Variants in EHBP1 observed in about 807,000 individuals in gnomAD.
EHBP1 encodes the protein EH domain binding protein 1.
Under a neutral mutation model 144.0 loss-of-function variants are expected in EHBP1, and 55 were observed. That is an observed-to-expected ratio of 0.38 (90% CI 0.31 to 0.48). The LOEUF is 0.48. Ranked by LOEUF, EHBP1 falls within the 20% of genes least tolerant of loss-of-function variation. The pLI, the probability that EHBP1 is intolerant of heterozygous loss-of-function variation, is 0.98. For synonymous variants in EHBP1, 469 were observed against 472.7 expected, an observed-to-expected ratio of 0.99 and a Z score of 0.10; for missense variants, 1,200 against 1,364.2, an observed-to-expected ratio of 0.88 and a Z score of 1.90.
At chr2:62,902,739 A>T (rs2053514655) in intron 10 of EHBP1, among the ~76,000 whole-genome samples, 1 of 152,256 alleles carries the variant, frequency 6.6e-6, no homozygotes. Flanking sequence ...AATTATATGT[A>T]TGATGAGACC....
chr2:62,765,568 C>T (rs2041113321), intron 4 of EHBP1, among the ~76,000 whole-genome samples: 2 of 152,120 alleles, frequency 1.3e-5, no homozygotes, highest in South Asian at 4.1e-4. Context: ...ATAGCTTAAA[C>T]ACTAGTTGTG....
chr2:62,842,555 A>G (rs1475042161), intron 7 of EHBP1, among the ~76,000 whole-genome samples: 1 of 152,116 alleles, frequency 6.6e-6, no homozygotes, highest in African/African-American at 2.4e-5. Context: ...CTATCCTTCA[A>G]AATTTAATTC....
At chr2:62,942,514 T>C (rs534725934) in intron 10 of EHBP1, among the ~76,000 whole-genome samples, 1 of 152,346 alleles carries the variant, frequency 6.6e-6, no homozygotes, top group South Asian at 2.1e-4. Flanking sequence ...TCTGCATCCT[T>C]GTCAGGCAAA....
Position 62,955,628 on chromosome 2 carries a change from G to A in EHBP1, c.2428G>A (p.Ala810Thr), listed in dbSNP as rs1188142966. 1.2e-6 allele frequency: 2 copies of A among 1,611,808 alleles called. No homozygotes were observed. The highest frequency in any genetic ancestry group is 1.1e-5 in the South Asian group (1 of 90,628). Residue 810 changes from alanine (A) to threonine (T), a missense_variant, in exon 14 of 23, where the codon GCC (alanine) becomes ACC (threonine). Physicochemically the swap from Ala to Thr is moderately conservative, Grantham distance 58 (BLOSUM62 0). Coordinates refer to ENST00000431489, the MANE Select transcript of EHBP1 (RefSeq NM_001142616.3). ...KAGNKHNTNT[A>T]TPFCNRQLSD... ...GGGGAATAAGCACAATACCAACACA[G>A]CCACCCCATTCTGCAACAGGCAGCT...
chr2:62,930,320 A>G (rs1444028557), intron 10 of EHBP1, among the ~76,000 whole-genome samples: 14 of 152,214 alleles, frequency 9.2e-5, no homozygotes, highest in Admixed American at 5.9e-4. Flanking sequence ...TAACTTGATC[A>G]GGAAGGTAAA....
At chr2:62,816,649 G>A (rs1321481040) in intron 5 of EHBP1, among the ~76,000 whole-genome samples, 1 of 152,170 alleles carries the variant, frequency 6.6e-6, no homozygotes, top group Admixed American at 6.5e-5. Context: ...AGAAGACTGT[G>A]GCTTCAGTTA....
chr2:62,731,532 T>C (rs1287743721), intron 2 of EHBP1, among the ~76,000 whole-genome samples: 2 of 152,184 alleles, frequency 1.3e-5, no homozygotes, highest in Non-Finnish European at 2.9e-5. Flanking sequence ...ACGTTATCCT[T>C]AGGTTTTTTG....
intron 5 of EHBP1, among the ~76,000 whole-genome samples, chr2:62,783,336 G>A (rs12104750): frequency 5.2e-4 from 79 of 152,308 alleles, no homozygotes; most frequent in African/African-American, 1.9e-3. Context: ...AAAGATGGTG[G>A]ACCTCTTCTC....
Position 63,037,558 on chromosome 2 carries a change from G to T in EHBP1, c.3127G>T (p.Ala1043Ser). The T allele has an allele frequency of 1.2e-6, 2 of 1,607,132 alleles. No homozygotes were observed. The highest frequency in any genetic ancestry group is 1.7e-6 in the Non-Finnish European group (2 of 1,176,456). The change falls in exon 20 of 23, where the codon GCT becomes TCT. Residue 1043 changes from alanine (A) to serine (S), a missense_variant. This residue lies in a region of EHBP1 where 149 missense variants were observed against 217.0 expected (regional missense o/e 0.69). Transcript: ENST00000431489. Reference protein sequence around the residue: ...DTGRNTEEEEAMMQEWFMLVN... With the variant: ...DTGRNTEEEESMMQEWFMLVN... ...AGGAAGGAACACAGAAGAAGAAGAAGCTATGATGCAGGAATGGTTTATGTT... is the reference window on the plus strand; with the variant it reads ...AGGAAGGAACACAGAAGAAGAAGAATCTATGATGCAGGAATGGTTTATGTT...
intron 19 of EHBP1, among the ~76,000 whole-genome samples, chr2:63,011,800 G>A (rs921025151): frequency 1.3e-5 from 2 of 151,918 alleles, no homozygotes; most frequent in Non-Finnish European, 2.9e-5. Flanking sequence ...AATTTTGGCA[G>A]GAGAATTCAG....
chr2:62,713,411 T>G (rs2151858771), intron 2 of EHBP1, among the ~76,000 whole-genome samples: 1 of 152,096 alleles, frequency 6.6e-6, no homozygotes, highest in Admixed American at 6.5e-5. Flanking sequence ...CTGGCTAGTT[T>G]TTTTGTATTT....
intron 21 of EHBP1, among the ~76,000 whole-genome samples, chr2:63,042,865 A>AT (rs914707007): frequency 1.3e-5 from 2 of 151,854 alleles, no homozygotes; most frequent in Admixed American, 1.3e-4. Context: ...TCTTGGTTTA[A>AT]TTTTTTTAAT....
chr2:62,804,033 C>G (rs1168333406), intron 5 of EHBP1, among the ~76,000 whole-genome samples: 1 of 152,218 alleles, frequency 6.6e-6, no homozygotes, highest in East Asian at 1.9e-4. Flanking sequence ...TACTGCCTGA[C>G]AACTAGTAAG....
chr2:62,799,018 A>AAG (rs1356432262), intron 5 of EHBP1, among the ~76,000 whole-genome samples: 1 of 151,626 alleles, frequency 6.6e-6, no homozygotes, highest in Admixed American at 6.6e-5. Context: ...AAAAAAAAAA[A>AAG]AAAAAAAGAA....
At chr2:62,862,471 G>A (rs1168193383) in intron 8 of EHBP1, among the ~76,000 whole-genome samples, 3 of 152,004 alleles carry the variant, frequency 2.0e-5, no homozygotes, top group African/African-American at 7.3e-5. Context: ...TTAGCCAGGC[G>A]TGATGGCGGG....
chr2:63,018,140 G>C (rs1051590644), intron 19 of EHBP1, among the ~76,000 whole-genome samples: 1 of 152,190 alleles, frequency 6.6e-6, no homozygotes, highest in African/African-American at 2.4e-5. Flanking sequence ...CTGAGCAACA[G>C]AATGAGACCT....
intron 5 of EHBP1, among the ~76,000 whole-genome samples, chr2:62,806,342 T>C (rs1264882025): frequency 6.6e-6 from 1 of 152,024 alleles, no homozygotes; most frequent in Admixed American, 6.6e-5. Context: ...CTTCCACTCT[T>C]CTACTTTTTG....
At chr2:62,911,120 T>C (rs1309036509) in intron 10 of EHBP1, among the ~76,000 whole-genome samples, 1 of 152,194 alleles carries the variant, frequency 6.6e-6, no homozygotes, top group Non-Finnish European at 1.5e-5. Context: ...AATCTGACTT[T>C]GTACCACAAA....
intron 1 of EHBP1, among the ~76,000 whole-genome samples, chr2:62,691,851 T>G (rs879708226): frequency 1.3e-5 from 2 of 152,230 alleles, no homozygotes; most frequent in Admixed American, 1.3e-4. Flanking sequence ...TGACTTTTAG[T>G]AAAATGTGGC....
Sources: allele counts gnomAD v4.1 joint callset (sites outside exome capture counted in the v4.1 genomes callset), GRCh38; gene constraint gnomAD v4.1.1; regional missense constraint gnomAD v4.1.1; transcripts MANE v1.5; gene names NCBI Gene and HGNC (gene_info 2026-07-23, HGNC 2026-07-21).